ECPAS: variants seen among roughly 807,000 people sequenced by gnomAD.
ECPAS encodes the protein Ecm29 proteasome adaptor and scaffold.
ECPAS carries 70 observed loss-of-function variants against 255.1 expected under a neutral mutation model. That is an observed-to-expected ratio of 0.27 (90% CI 0.23 to 0.33). The LOEUF is 0.33. Among genes scored for constraint, ECPAS ranks in the 10% least tolerant of loss-of-function variants. ECPAS has a pLI of 1.00. For missense variants in ECPAS, 1,817 were observed against 2,206.4 expected (o/e 0.82, Z 3.54); for synonymous variants, 784 against 775.0 (o/e 1.01, Z -0.19).
In ECPAS at chr9:111,369,152, C is replaced by T. The variant is rs370394136; in HGVS notation, c.4996G>A (p.Val1666Ile). The T allele has an allele frequency of 6.9e-6, 11 of 1,589,194 alleles. No homozygotes were observed. The African/African-American group carries it at 1.4e-4, about 20-fold the overall frequency. Residue 1666 changes from valine to isoleucine, a missense_variant, in exon 46 of 50, where the codon GTC becomes ATC. This residue lies in a region of ECPAS where 960 missense variants were observed against 1,179.0 expected (regional missense o/e 0.81). Coordinates refer to ENST00000684092, the MANE Select transcript of ECPAS (RefSeq NM_001364929.1). ...IKKNSLESSG[V>I]RTTKNEEENE... is the part of the protein sequence containing the mutation. ...TCCTCTTCATTTTTGGTTGTCCGGA[C>T]CCCACTGCTTTCAAGTGAGTTCTAG...
At chr9:111,366,365 T>C (rs1362608103) in intron 47 of ECPAS, 38 bp from the exon 48 acceptor site, 6 of 1,477,750 alleles carry the variant, frequency 4.1e-6, no homozygotes, top group Non-Finnish European at 5.6e-6. Flanking sequence ...ATGCCAATTA[T>C]TAAGAAACAG....
chr9:111,469,317 G>T (rs112706683), intron 2 of ECPAS, among the ~76,000 whole-genome samples: 1 of 152,030 alleles, frequency 6.6e-6, no homozygotes, highest in Non-Finnish European at 1.5e-5. Flanking sequence ...TGAATCACGA[G>T]GTCAGGTGAA....
intron 4 of ECPAS, 32 bp from the exon 5 acceptor site, chr9:111,442,456 G>A (rs775891169): frequency 3.4e-5 from 41 of 1,197,064 alleles, no homozygotes; most frequent in Middle Eastern, 1.9e-4. Flanking sequence ...AAGTGAGTGT[G>A]AAGGAAATAC....
chr9:111,389,772 A>G (rs2098156441), intron 30 of ECPAS, 49 bp from the exon 31 acceptor site: 1 of 1,533,718 alleles, frequency 6.5e-7, no homozygotes, highest in Non-Finnish European at 8.8e-7. Context: ...ATAGTAAAAT[A>G]TTAACATAGC....
rs200727797 is a variant in ECPAS, at chr9:111,406,703, AG to A, written c.2652+1867del. Among the ~76,000 whole-genome samples, 526 of 149,138 alleles carry A rather than the reference AG, an allele frequency of 3.5e-3. 63 individuals carry two copies. The highest frequency in any genetic ancestry group is 0.013 in the African/African-American group (514 of 39,046). ...AGGATCACTTGAGCCCAGGAGTTCA[AG>A]ACCACCCTAGGCCACACAGGGATAC... On this transcript the variant is annotated intron_variant, in intron 24 of 49. Transcript: ENST00000684092.
chr9:111,397,727 A>G (rs551435374), intron 24 of ECPAS, among the ~76,000 whole-genome samples: 1 of 152,312 alleles, frequency 6.6e-6, no homozygotes, highest in African/African-American at 2.4e-5. Flanking sequence ...AACTCTTTGC[A>G]CTCTTAAATT....
chr9:111,438,644 T>C (rs1225988433), intron 6 of ECPAS, among the ~76,000 whole-genome samples: 4 of 152,206 alleles, frequency 2.6e-5, no homozygotes, highest in Admixed American at 6.5e-5. Flanking sequence ...TATAAGGAGA[T>C]GTAAGATCGA....
Position 111,432,312 on chromosome 9 carries a change from G to A in ECPAS, c.848+921C>T, listed in dbSNP as rs543724212. On this transcript the variant is annotated intron_variant, in intron 8 of 49. Transcript: ENST00000684092. ...TTCAATTTATAATGCCAATCAACAG[G>A]GTATAAAAATAGCAGTTTTGGCCAG... Among the ~76,000 whole-genome samples the A allele has an allele frequency of 8.5e-5, 13 of 152,212 alleles. 1 individual carries two copies. The South Asian group carries it at 2.7e-3, about 32-fold the overall frequency.
intron 24 of ECPAS, among the ~76,000 whole-genome samples, chr9:111,399,764 C>A (rs1440495566): frequency 6.6e-6 from 1 of 152,246 alleles, no homozygotes; most frequent in Non-Finnish European, 1.5e-5. Flanking sequence ...CAGGATGCTG[C>A]TGTGGAAGAG....
chr9:111,385,070 GTTAT>G (rs1056491103), intron 33 of ECPAS, among the ~76,000 whole-genome samples: 2 of 152,114 alleles, frequency 1.3e-5, no homozygotes, highest in Non-Finnish European at 2.9e-5. Flanking sequence ...GTCCAAAACT[GTTAT>G]TTGTCCCTAA....
At chr9:111,458,822 A>G (rs2098269962) in intron 2 of ECPAS, among the ~76,000 whole-genome samples, 1 of 152,192 alleles carries the variant, frequency 6.6e-6, no homozygotes. Flanking sequence ...CTGACACAAC[A>G]CAAGCTTTGC....
At chr9:111,459,830 A>G (rs935396770) in intron 2 of ECPAS, among the ~76,000 whole-genome samples, 2 of 152,168 alleles carry the variant, frequency 1.3e-5, no homozygotes, top group Admixed American at 1.3e-4. Context: ...TCCCCACACA[A>G]AAAAATGGCA....
intron 2 of ECPAS, among the ~76,000 whole-genome samples, chr9:111,470,563 G>A (rs1277535408): frequency 2.6e-5 from 4 of 152,062 alleles, no homozygotes; most frequent in Non-Finnish European, 4.4e-5. Context: ...GCCCGCCTCG[G>A]CCTCCCAAAG....
chr9:111,364,256 T>A (rs1271149635), intron 48 of ECPAS, among the ~76,000 whole-genome samples: 1 of 152,132 alleles, frequency 6.6e-6, no homozygotes, highest in Admixed American at 6.5e-5. Flanking sequence ...AGGGTAGGCA[T>A]GAGATGGGCC....
At chr9:111,383,068 T>C (rs2098142662) in intron 35 of ECPAS, 143 bp downstream of exon 35, 1 of 937,568 alleles carries the variant, frequency 1.1e-6, no homozygotes, top group Non-Finnish European at 1.6e-6. Flanking sequence ...GAAAATATTG[T>C]GACTCACAAG....
At chr9:111,467,245 A>AAAGAGAAGAGAAGAGAG (rs1485360217) in intron 2 of ECPAS, among the ~76,000 whole-genome samples, 1 of 152,150 alleles carries the variant, frequency 6.6e-6, no homozygotes, top group Non-Finnish European at 1.5e-5. Flanking sequence ...AGAGATGAGA[A>AAAGAGAAGAGAAGAGAG]AAGAGAAGAG....
At chr9:111,399,834 G>A (rs1168547717) in intron 24 of ECPAS, among the ~76,000 whole-genome samples, 4 of 152,222 alleles carry the variant, frequency 2.6e-5, no homozygotes, top group Non-Finnish European at 4.4e-5. Context: ...AACAACCTAA[G>A]TCCCAAGTCC....
intron 24 of ECPAS, among the ~76,000 whole-genome samples, chr9:111,403,987 T>G (rs2098180152): frequency 6.7e-6 from 1 of 149,606 alleles, no homozygotes; most frequent in South Asian, 2.1e-4. Flanking sequence ...ACATGGAAAT[T>G]AAACAACACG....
chr9:111,366,505 G>GC lies in ECPAS; in HGVS notation c.5219+16dup. On this transcript the variant is annotated intron_variant, in intron 47 of 49. Transcript: ENST00000684092. ...GGGGAGGAACAAAATAAAAAACTGA[G>GC]CCATGAAGCAATTTACCCCTGAAAA... is the stretch of plus-strand genomic sequence containing the variant. The GC allele has an allele frequency of 6.4e-7, 1 of 1,567,846 alleles. No homozygotes were observed.
Sources: gnomAD v4.1 joint callset for allele counts (sites outside exome capture counted in the v4.1 genomes callset) on GRCh38, gnomAD v4.1.1 for gene constraint, gnomAD v4.1.1 regional missense constraint, MANE v1.5 for transcripts, NCBI Gene and HGNC (gene_info 2026-07-23, HGNC 2026-07-21) for gene names.